SGCZ: variants seen among roughly 807,000 people sequenced by gnomAD.
SGCZ encodes sarcoglycan zeta, also known as zeta-sarcoglycan.
In SGCZ, 40 loss-of-function variants were observed where a neutral mutation model predicts 41.3. That is an observed-to-expected ratio of 0.97 (90% CI 0.75 to 1.26). The LOEUF is 1.26. Among genes scored for constraint, SGCZ ranks in the 50% most tolerant of loss-of-function variants. The pLI is 0.00. For missense variants in SGCZ, 552 were observed against 369.8 expected (o/e 1.49, Z -4.04); for synonymous variants, 206 against 137.5 (o/e 1.50, Z -3.49).
chr8:15,206,869 T>G (rs1047776088), intron 1 of SGCZ, among the ~76,000 whole-genome samples: 1 of 152,078 alleles, frequency 6.6e-6, no homozygotes, highest in Non-Finnish European at 1.5e-5. Context: ...GACCTTAGTA[T>G]GCAAAAGGGG....
chr8:15,196,199 G>A (rs1019760749), intron 1 of SGCZ, among the ~76,000 whole-genome samples: 1 of 152,100 alleles, frequency 6.6e-6, no homozygotes, highest in Non-Finnish European at 1.5e-5. Flanking sequence ...GCCCGGCCAG[G>A]CTTCGATTTT....
At chr8:14,642,376 C>G (rs886834787) in intron 1 of SGCZ, among the ~76,000 whole-genome samples, 1 of 151,530 alleles carries the variant, frequency 6.6e-6, no homozygotes, top group African/African-American at 2.4e-5. Context: ...GATGGTCACA[C>G]CCATTTTTAA....
At chr8:14,807,615 AG>A (rs1251957640) in intron 1 of SGCZ, among the ~76,000 whole-genome samples, 1 of 151,690 alleles carries the variant, frequency 6.6e-6, no homozygotes, top group Non-Finnish European at 1.5e-5. Flanking sequence ...TCCATGCTCA[AG>A]GGTAGGAAGA....
intron 2 of SGCZ, among the ~76,000 whole-genome samples, chr8:14,352,023 G>A (rs1269823937): frequency 2.0e-5 from 3 of 151,914 alleles, no homozygotes; most frequent in Admixed American, 6.6e-5. Context: ...ACATAGCACG[G>A]TACCTTATTT....
intron 1 of SGCZ, among the ~76,000 whole-genome samples, chr8:15,200,387 A>G (rs1800853499): frequency 6.6e-6 from 1 of 152,096 alleles, no homozygotes; most frequent in Non-Finnish European, 1.5e-5. Context: ...CATCACTGGT[A>G]CCTCCTGTAA....
intron 1 of SGCZ, among the ~76,000 whole-genome samples, chr8:14,579,076 A>C (rs1804804254): frequency 6.6e-6 from 1 of 152,134 alleles, no homozygotes; most frequent in Non-Finnish European, 1.5e-5. Flanking sequence ...GCTCAAAGTA[A>C]ATGTTTAAAT....
At chr8:14,453,508 T>A (rs1800657404) in intron 2 of SGCZ, among the ~76,000 whole-genome samples, 1 of 152,134 alleles carries the variant, frequency 6.6e-6, no homozygotes, top group Admixed American at 6.5e-5. Context: ...ACTAAAAGAT[T>A]GACATAAAAT....
chr8:14,370,175 A>G (rs983988449), intron 2 of SGCZ, among the ~76,000 whole-genome samples: 1 of 151,976 alleles, frequency 6.6e-6, no homozygotes, highest in Non-Finnish European at 1.5e-5. Context: ...AGTTTTAAAT[A>G]GGAAAGACTA....
chr8:14,422,698 G>C (rs1207534745), intron 2 of SGCZ, among the ~76,000 whole-genome samples: 3 of 152,212 alleles, frequency 2.0e-5, no homozygotes, highest in Non-Finnish European at 4.4e-5. Context: ...AGCTAGCATA[G>C]TTTTTAGGAC....
Position 14,103,575 on chromosome 8 carries a change from G to C in SGCZ, c.621-1076C>G, listed in dbSNP as rs1802103872. Among the ~76,000 whole-genome samples, 3 of 152,136 alleles carry C rather than the reference G, an allele frequency of 2.0e-5. No homozygotes were observed. In the South Asian group the frequency reaches 6.2e-4, roughly 31 times the overall value. On this transcript the variant is annotated intron_variant, in intron 6 of 7. Transcript: ENST00000382080. The stretch of plus-strand genomic sequence containing the variant: ...AGTTCAGCTCCCTCTCAGCAAGAAA[G>C]TGAAACCTAAAAGCTTAAAAGTGAT...
intron 4 of SGCZ, among the ~76,000 whole-genome samples, chr8:14,207,487 G>A (rs1805655254): frequency 6.6e-6 from 1 of 151,940 alleles, no homozygotes; most frequent in South Asian, 2.1e-4. Context: ...CTATGTTTAT[G>A]GTTTACATTT....
intron 1 of SGCZ, among the ~76,000 whole-genome samples, chr8:15,050,516 C>T (rs1585512002): frequency 6.6e-6 from 1 of 152,280 alleles, no homozygotes; most frequent in East Asian, 1.9e-4. Context: ...AAGAAGACAA[C>T]ATGTGACCCA....
At chr8:15,048,866 A>G (rs372029299) in intron 1 of SGCZ, among the ~76,000 whole-genome samples, 1 of 152,132 alleles carries the variant, frequency 6.6e-6, no homozygotes, top group Non-Finnish European at 1.5e-5. Context: ...GACAAGTGAA[A>G]TAATTTACAC....
At chr8:14,758,396 T>G (rs1356008234) in intron 1 of SGCZ, among the ~76,000 whole-genome samples, 1 of 152,208 alleles carries the variant, frequency 6.6e-6, no homozygotes, top group African/African-American at 2.4e-5. Flanking sequence ...CAGCTTCTTT[T>G]TTCATCAATT....
intron 2 of SGCZ, among the ~76,000 whole-genome samples, chr8:14,551,542 AATATATATAATATATATTATATATATAAT>A (rs1563404676): frequency 4.4e-3 from 31 of 7,066 alleles, no homozygotes; most frequent in Non-Finnish European, 5.1e-3. Context: ...TAATATATAT[AATATATATAATATATATTATATATATAAT>A]ATATATATAA....
At chr8:14,346,759 G>A (rs1017486311) in intron 2 of SGCZ, among the ~76,000 whole-genome samples, 2 of 151,916 alleles carry the variant, frequency 1.3e-5, no homozygotes, top group African/African-American at 2.4e-5. Flanking sequence ...AATAATTTTT[G>A]TAGTTAATGT....
chr8:15,004,961 G>A (rs1337051747), intron 1 of SGCZ, among the ~76,000 whole-genome samples: 1 of 152,144 alleles, frequency 6.6e-6, no homozygotes, highest in East Asian at 1.9e-4. Flanking sequence ...TGGTATCTAT[G>A]CATGTATTTT....
intron 5 of SGCZ, among the ~76,000 whole-genome samples, chr8:14,142,518 TGGACG>T (rs1803402601): frequency 6.6e-6 from 1 of 152,192 alleles, no homozygotes; most frequent in Non-Finnish European, 1.5e-5. Flanking sequence ...TCCTTTGCTC[TGGACG>T]TTGAGTCGTT....
chr8:14,493,359 C>CTTTTTTTTTTTTTTTTTTTTTTTTTTTTT lies in SGCZ; in HGVS notation c.234+61372_234+61373insAAAAAAAAAAAAAAAAAAAAAAAAAAAAA, dbSNP rs57898016. Among the ~76,000 whole-genome samples, 204 of 44,276 alleles carry CTTTTTTTTTTTTTTTTTTTTTTTTTTTTT rather than the reference C, an allele frequency of 4.6e-3. 28 individuals are homozygous for CTTTTTTTTTTTTTTTTTTTTTTTTTTTTT. Among genetic ancestry groups the CTTTTTTTTTTTTTTTTTTTTTTTTTTTTT allele is most frequent in the African/African-American group, 6.8e-3 (90 of 13,256 alleles). The allele number at this position is 44,276 out of a possible 152,430, so 29.0% of individuals were successfully genotyped here. The stretch of plus-strand genomic sequence containing the variant: ...CATACTTTTCCCACTATCATCCTTT[C>CTTTTTTTTTTTTTTTTTTTTTTTTTTTTT]TTTTTTTTTTTTTTTTTTTTTTTTT... On this transcript the variant is annotated intron_variant, in intron 2 of 7. Transcript: ENST00000382080.
Sources: gnomAD v4.1 joint callset for allele counts (sites outside exome capture counted in the v4.1 genomes callset) on GRCh38, gnomAD v4.1.1 for gene constraint, MANE v1.5 for transcripts, NCBI Gene and HGNC (gene_info 2026-07-23, HGNC 2026-07-21) for gene names.